MTOR: variants seen among roughly 807,000 people sequenced by gnomAD.
The protein encoded by MTOR is mechanistic target of rapamycin kinase.
Under a neutral mutation model 319.8 loss-of-function variants are expected in MTOR, and 70 were observed. That is an observed-to-expected ratio of 0.22 (90% confidence interval 0.18 to 0.27). The LOEUF (loss-of-function observed/expected upper bound fraction) is 0.27, where lower values mean the gene tolerates loss of function less well. Ranked by LOEUF, MTOR falls within the 10% of genes least tolerant of loss-of-function variation. The pLI, the probability that MTOR is intolerant of heterozygous loss-of-function variation, is 1.00. For missense variants in MTOR, 1,890 were observed against 3,274.4 expected (o/e 0.58, Z 10.32); for synonymous variants, 1,183 against 1,211.4 (o/e 0.98, Z 0.49).
intron 26 of MTOR, among the ~76,000 whole-genome samples, chr1:11,203,592 T>C (rs1355047781): frequency 6.6e-6 from 1 of 152,100 alleles, no homozygotes; most frequent in Non-Finnish European, 1.5e-5. Context: ...GAGAATCTCT[T>C]GAACCAGGAG....
intron 28 of MTOR, among the ~76,000 whole-genome samples, chr1:11,180,839 C>T (rs556040865): frequency 8.0e-5 from 12 of 149,914 alleles, no homozygotes; most frequent in African/African-American, 1.5e-4. Flanking sequence ...TGCAGCGGTG[C>T]GATCTCGGCT....
At chr1:11,217,174 A>G (rs558616744) in intron 19 of MTOR, among the ~76,000 whole-genome samples, 1 of 152,312 alleles carries the variant, frequency 6.6e-6, no homozygotes, top group South Asian at 2.1e-4. Context: ...GGGTAGGGAT[A>G]GGATGAGGAG....
At chr1:11,135,689 C>T (rs1004059219) in intron 36 of MTOR, among the ~76,000 whole-genome samples, 26 of 149,374 alleles carry the variant, frequency 1.7e-4, no homozygotes, top group Admixed American at 1.2e-3. Flanking sequence ...AAAAATTAGC[C>T]GGGCGTGGTG....
In MTOR at chr1:11,109,119, A is replaced by C. The variant is rs1313015801; in HGVS notation, c.7528+171T>G. ...ATTAAGTACTGTTATCAGTCATCAGAAAGAAGAATCAGAGACAATGTTTAA... is the reference window on the plus strand; with the variant it reads ...ATTAAGTACTGTTATCAGTCATCAGCAAGAAGAATCAGAGACAATGTTTAA... On this transcript the variant is annotated intron_variant, in intron 56 of 57. Coordinates refer to ENST00000361445, the MANE Select transcript of MTOR (RefSeq NM_004958.4). This position sits in a 1 kb window ranked among gnomAD's most constrained non-coding sequence, Gnocchi z 4.0. Among the ~76,000 whole-genome samples the C allele has an allele frequency of 6.6e-6, 1 of 152,264 alleles. No individual in the cohort carries two copies. The highest frequency in any genetic ancestry group is 6.5e-5 in the Admixed American group (1 of 15,292).
rs1225664705 is a variant in MTOR at position 11,199,727 on chromosome 1, T to C, written c.3945-24A>G. ...CCCTGAAGGCAGAGAAGGTGGAAAA[T>C]GGAGAGACCTCCCGTGCCTCTGCCT... On this transcript the variant is annotated intron_variant, in intron 26 of 57. Coordinates refer to ENST00000361445, the MANE Select transcript of MTOR (RefSeq NM_004958.4). The surrounding 1 kb of genome is among the most constrained non-coding windows in gnomAD (Gnocchi z 4.5). 1.2e-6 allele frequency: 2 copies of C among 1,612,188 alleles called. No homozygotes were observed. The highest frequency in any genetic ancestry group is 2.2e-5 in the East Asian group (1 of 44,834).
intron 47 of MTOR, 73 bp downstream of exon 47, chr1:11,124,425 G>T (rs1642712686): frequency 6.4e-7 from 1 of 1,553,924 alleles, no homozygotes; most frequent in South Asian, 1.1e-5. Flanking sequence ...TATAATACAT[G>T]ACTACACGAG....
At chr1:11,160,404 A>G (rs984794512) in intron 29 of MTOR, among the ~76,000 whole-genome samples, 4 of 152,098 alleles carry the variant, frequency 2.6e-5, no homozygotes, top group Non-Finnish European at 5.9e-5. Flanking sequence ...CCGGCTGTAT[A>G]GCATATATTT....
chr1:11,118,202 T>TA (rs1217351197), intron 49 of MTOR, among the ~76,000 whole-genome samples: 1 of 151,314 alleles, frequency 6.6e-6, no homozygotes, highest in Non-Finnish European at 1.5e-5. Flanking sequence ...AAAATAAAGT[T>TA]ACGCCTTAAA....
intron 20 of MTOR, among the ~76,000 whole-genome samples, chr1:11,215,053 A>G (rs1212624734): frequency 6.6e-6 from 1 of 152,212 alleles, no homozygotes; most frequent in Non-Finnish European, 1.5e-5. Flanking sequence ...CACCTTCTCT[A>G]TCTGGGATGA....
At position 11,212,992 on chromosome 1, in the gene MTOR, T is replaced by C. The variant is rs1211751314; in HGVS notation, c.3286-84A>G. On this transcript the variant is annotated intron_variant, in intron 21 of 57. Coordinates refer to ENST00000361445, the MANE Select transcript of MTOR (RefSeq NM_004958.4). This position sits in a 1 kb window ranked among gnomAD's most constrained non-coding sequence, Gnocchi z 4.1. ...CGCAGCGGGTGGTGGTGTAGACAAT[T>C]CAAAGTTCTCTGGGGACTGGGAAAA... 9.6e-7 allele frequency: 1 copy of C among 1,041,180 alleles called. No individual in the cohort carries two copies. Among genetic ancestry groups the C allele is most frequent in the African/African-American group, 1.6e-5 (1 of 63,332 alleles). 64.5% of individuals were successfully genotyped at this position (1,041,180 alleles called of 1,614,324 possible). A position where few individuals can be genotyped will look rare whatever the true frequency, so the allele number is the denominator to read the frequency against.
intron 19 of MTOR, chr1:11,226,248 T>A (rs867730325): frequency 2.0e-5 from 3 of 152,150 alleles, no homozygotes; most frequent in Admixed American, 6.5e-5. Context: ...TTTATAAAGC[T>A]ATCTAGTGCT....
In MTOR at chr1:11,237,824, TGGCCATC is replaced by T; in HGVS notation, c.2208+12_2208+18del. ...GTCCTGTCTTCCCTGCCTGTGGGTC[TGGCCATC>T]ACCTCGGTTACCTGGATGAGCATCT... On this transcript the variant is annotated intron_variant, in intron 13 of 57. Transcript: ENST00000361445. The T allele has an allele frequency of 6.2e-7, 1 of 1,613,624 alleles. No individual in the cohort carries two copies. Among genetic ancestry groups the T allele is most frequent in the Non-Finnish European group, 8.5e-7 (1 of 1,179,856 alleles).
Position 11,234,127 on chromosome 1 carries a change from T to C in MTOR, c.2331+16A>G, listed in dbSNP as rs1647115457. On this transcript the variant is annotated intron_variant, in intron 14 of 57. Coordinates refer to ENST00000361445, the MANE Select transcript of MTOR (RefSeq NM_004958.4). ...ACAACGCACAGAGAAAGCACCAGCC[T>C]CTCGGTTTGTGTTACCTTCAGAATA... 1.9e-6 allele frequency: 3 copies of C among 1,613,954 alleles called. No homozygotes were observed. The highest frequency in any genetic ancestry group is 2.5e-6 in the Non-Finnish European group (3 of 1,179,984).
At chr1:11,153,981 AT>A (rs1331348307) in intron 30 of MTOR, among the ~76,000 whole-genome samples, 2 of 148,234 alleles carry the variant, frequency 1.3e-5, no homozygotes, top group Non-Finnish European at 3.0e-5. Context: ...GGGCAGGAAA[AT>A]CACTTGACCC....
intron 26 of MTOR, among the ~76,000 whole-genome samples, chr1:11,200,437 C>T (rs1645923776): frequency 6.6e-6 from 1 of 152,126 alleles, no homozygotes; most frequent in Admixed American, 6.5e-5. Context: ...TTACTATGAC[C>T]ACTTTACATT....
At chr1:11,114,196 T>C (rs1642043176) in intron 53 of MTOR, 122 bp downstream of exon 53, 2 of 1,213,126 alleles carry the variant, frequency 1.6e-6, no homozygotes, top group African/African-American at 3.0e-5. Flanking sequence ...GGTCTTACTA[T>C]GTTGCCCAGG....
rs371391716 is a variant in MTOR at position 11,248,964 on chromosome 1, G to A, written c.841-870C>T. Among the ~76,000 whole-genome samples, 49 of 152,232 alleles carry A rather than the reference G, an allele frequency of 3.2e-4. No homozygotes were observed. In the South Asian group the frequency reaches 8.1e-3, roughly 25 times the overall value. On this transcript the variant is annotated intron_variant, in intron 6 of 57. Coordinates refer to ENST00000361445, the MANE Select transcript of MTOR (RefSeq NM_004958.4). ...TCCTGAGTCAGGCGCAAGGGCTCAC[G>A]CCTGTAATCCCAGCACTTTGGGAGG...
intron 38 of MTOR, 197 bp downstream of exon 38, chr1:11,132,883 T>C: frequency 1.7e-6 from 1 of 576,176 alleles, no homozygotes; most frequent in East Asian, 2.8e-5. Context: ...ATTTCTCCAA[T>C]AATCTTTCTG....
intron 26 of MTOR, among the ~76,000 whole-genome samples, chr1:11,203,829 T>C (rs760051807): frequency 6.6e-6 from 1 of 152,162 alleles, no homozygotes; most frequent in African/African-American, 2.4e-5. Flanking sequence ...GTGGCTGCCT[T>C]GAGCAACAGG....
Sources: allele counts gnomAD v4.1 joint callset (sites outside exome capture counted in the v4.1 genomes callset), GRCh38; gene constraint gnomAD v4.1.1; non-coding constraint Gnocchi (gnomAD v3.1); transcripts MANE v1.5; gene names NCBI Gene and HGNC (gene_info 2026-07-23, HGNC 2026-07-21).